The following SGCD variants were observed in gnomAD, a reference collection of about 807,000 sequenced individuals.
The protein encoded by SGCD is delta-sarcoglycan.
A neutral mutation model predicts 36.6 loss-of-function variants in SGCD; 18 were observed. The observed-to-expected ratio is 0.49, with a 90% CI of 0.34 to 0.73. The LOEUF (loss-of-function observed/expected upper bound fraction) is 0.73, where lower values mean the gene tolerates loss of function less well. SGCD is among the 30% of genes least tolerant of loss of function. The pLI, the probability that SGCD is intolerant of heterozygous loss-of-function variation, is 0.01. For missense variants in SGCD, 387 were observed against 346.7 expected (o/e 1.12, Z -0.92); for synonymous variants, 133 against 130.6 (o/e 1.02, Z -0.12).
At chr5:155,795,778 C>T in the SGCD span, among the ~76,000 whole-genome samples, 17 of 152,004 alleles carry the variant, frequency 1.1e-4, no homozygotes, top group Admixed American at 2.0e-4. Context: ...TACACAGACA[C>T]AAATTTTAAA....
At position 156,067,918 on chromosome 5, in the gene SGCD, G is replaced by A. The variant is rs1177375432; in HGVS notation, c.-281-49960G>A. On this transcript the variant is annotated intron_variant, in intron 1 of 9. Coordinates refer to the SGCD transcript ENST00000517913. Reference sequence around the variant, plus strand: ...CCGTCTTCTGCGTCGCTCACGCTGGGAGCTGTAGACCGGAGCTGTTCCTAT... The same window carrying A: ...CCGTCTTCTGCGTCGCTCACGCTGGAAGCTGTAGACCGGAGCTGTTCCTAT... 6.2e-5 allele frequency among the ~76,000 whole-genome samples: 9 copies of A among 146,288 alleles called. 2 individuals are homozygous for A. The highest frequency in any genetic ancestry group is 1.3e-4 in the African/African-American group (5 of 37,276).
intron 4 of SGCD, among the ~76,000 whole-genome samples, chr5:156,546,634 T>C (rs568039973): frequency 9.2e-5 from 14 of 152,200 alleles, no homozygotes; most frequent in African/African-American, 2.9e-4. Context: ...TTACAATGGG[T>C]CAAGATAATT....
At chr5:156,115,740 TG>T (rs1173683852) in intron 1 of SGCD, among the ~76,000 whole-genome samples, 2 of 152,270 alleles carry the variant, frequency 1.3e-5, no homozygotes, top group South Asian at 4.1e-4. Flanking sequence ...TTATTTTTCT[TG>T]TAATTTATAC....
intron 6 of SGCD, among the ~76,000 whole-genome samples, chr5:156,624,096 C>G (rs1282192911): frequency 6.6e-6 from 1 of 152,014 alleles, no homozygotes; most frequent in African/African-American, 2.4e-5. Flanking sequence ...GAGAAATGTA[C>G]CAGAGAGACT....
At chr5:156,615,899 G>A (rs1762002733) in intron 6 of SGCD, among the ~76,000 whole-genome samples, 1 of 152,224 alleles carries the variant, frequency 6.6e-6, no homozygotes. Flanking sequence ...TAGATTTTGA[G>A]TATAGATGAG....
At chr5:156,159,079 G>T (rs537413972) in intron 3 of SGCD, among the ~76,000 whole-genome samples, 1 of 151,454 alleles carries the variant, frequency 6.6e-6, no homozygotes, top group Non-Finnish European at 1.5e-5. Flanking sequence ...TTTTATTAGC[G>T]TATGTGACCA....
rs1200776914 is a variant in SGCD, at chr5:156,757,263, C to CCA, written c.576-318_576-317insCA. On this transcript the variant is annotated intron_variant, in intron 7 of 8. Coordinates refer to ENST00000337851, the MANE Select transcript of SGCD (RefSeq NM_000337.6). ...TAGATCCGGGATTGACTTACTTTTA[C>CCA]AAAAAAAAAAAAAAAAAAAAAAAAA... Among the ~76,000 whole-genome samples the CCA allele has an allele frequency of 2.1e-3, 146 of 69,386 alleles. 2 individuals carry two copies. Among genetic ancestry groups the CCA allele is most frequent in the African/African-American group, 8.3e-3 (144 of 17,326 alleles). The allele number at this position is 69,386 out of a possible 152,430, so 45.5% of individuals were successfully genotyped here. A position where few individuals can be genotyped will look rare whatever the true frequency, so the allele number is the denominator to read the frequency against.
At chr5:156,410,874 CCTT>C (rs1255223294) in intron 3 of SGCD, among the ~76,000 whole-genome samples, 4 of 152,022 alleles carry the variant, frequency 2.6e-5, no homozygotes, top group Non-Finnish European at 5.9e-5. Context: ...CCTAATCCTC[CCTT>C]CTTCTTCTCC....
chr5:156,319,770 G>T (rs564302961), intron 3 of SGCD, among the ~76,000 whole-genome samples: 1 of 152,156 alleles, frequency 6.6e-6, no homozygotes, highest in Non-Finnish European at 1.5e-5. Context: ...TCAGTTTTCA[G>T]TTGTCTCATA....
At chr5:156,694,564 T>C (rs1290981880) in intron 7 of SGCD, among the ~76,000 whole-genome samples, 1 of 152,230 alleles carries the variant, frequency 6.6e-6, no homozygotes. Flanking sequence ...CAAGATATTA[T>C]TAACAGAAGT....
At chr5:156,547,782 G>A (rs898865258) in intron 4 of SGCD, among the ~76,000 whole-genome samples, 8 of 152,148 alleles carry the variant, frequency 5.3e-5, no homozygotes, top group Non-Finnish European at 1.5e-5. Context: ...AGTTGGTCTC[G>A]AGGACTGAGG....
rs146596474 is a variant in SGCD, at chr5:156,446,084, C to G, written c.193-62517C>G. Among the ~76,000 whole-genome samples the G allele has an allele frequency of 7.3e-4, 111 of 152,156 alleles. 2 individuals are homozygous for G. In the East Asian group the frequency reaches 0.019, roughly 26 times the overall value. On this transcript the variant is annotated intron_variant, in intron 3 of 8. Transcript: ENST00000337851. ...CTCAGTGCCTGGCATGTGGTTGGTGCGAAAGCCACTTGCTGAATAGACAAA... is the reference window on the plus strand; with the variant it reads ...CTCAGTGCCTGGCATGTGGTTGGTGGGAAAGCCACTTGCTGAATAGACAAA...
At chr5:156,478,877 AG>A (rs1755305733) in intron 3 of SGCD, among the ~76,000 whole-genome samples, 1 of 151,732 alleles carries the variant, frequency 6.6e-6, no homozygotes, top group Admixed American at 6.6e-5. Flanking sequence ...CACTGTGCCC[AG>A]CTCAGTTGCC....
chr5:156,509,983 T>C (rs1159465921), intron 4 of SGCD, among the ~76,000 whole-genome samples: 1 of 152,182 alleles, frequency 6.6e-6, no homozygotes, highest in East Asian at 1.9e-4. Flanking sequence ...ACTACTTGCA[T>C]TGTGTGCATT....
chr5:155,896,939 T>C (rs1400205154), intron 1 of SGCD, among the ~76,000 whole-genome samples: 3 of 152,242 alleles, frequency 2.0e-5, no homozygotes, highest in Admixed American at 2.0e-4. Flanking sequence ...GTTCTTTGTT[T>C]CTTCATAAAA....
chr5:156,611,211 C>T (rs1240721673), intron 6 of SGCD, among the ~76,000 whole-genome samples: 1 of 152,234 alleles, frequency 6.6e-6, no homozygotes, highest in Non-Finnish European at 1.5e-5. Flanking sequence ...TTTACTTCTA[C>T]AGTGAGCTTT....
At chr5:156,614,916 C>A (rs1761963864) in intron 6 of SGCD, among the ~76,000 whole-genome samples, 1 of 151,996 alleles carries the variant, frequency 6.6e-6, no homozygotes, top group Non-Finnish European at 1.5e-5. Flanking sequence ...TGCTTTCATT[C>A]AGGTACCAGT....
At chr5:156,619,945 G>A (rs536135995) in intron 6 of SGCD, among the ~76,000 whole-genome samples, 2 of 152,290 alleles carry the variant, frequency 1.3e-5, no homozygotes, top group East Asian at 3.9e-4. Flanking sequence ...GGTTAATGGG[G>A]TAAGGGTTAA....
At chr5:156,271,184 C>A (rs1766167429) in intron 3 of SGCD, among the ~76,000 whole-genome samples, 1 of 152,022 alleles carries the variant, frequency 6.6e-6, no homozygotes, top group South Asian at 2.1e-4. Flanking sequence ...ATTCTATTTC[C>A]AGGATATTTT....
Sources: allele counts gnomAD v4.1 joint callset (sites outside exome capture counted in the v4.1 genomes callset), GRCh38; gene constraint gnomAD v4.1.1; transcripts MANE v1.5; gene names NCBI Gene and HGNC (gene_info 2026-07-23, HGNC 2026-07-21).